AOX1: variants seen among roughly 807,000 people sequenced by gnomAD.
AOX1 encodes aldehyde oxidase 1.
Under a neutral mutation model 169.5 loss-of-function variants are expected in AOX1, and 153 were observed. The ratio of observed to expected loss-of-function variants is 0.90; its 90% CI spans 0.79 to 1.03. The LOEUF (loss-of-function observed/expected upper bound fraction) is 1.03, where lower values mean the gene tolerates loss of function less well. Ranked by LOEUF, AOX1 falls within the 50% of genes least tolerant of loss-of-function variation. The pLI is 0.00. For synonymous variants in AOX1, 562 were observed against 581.9 expected, an observed-to-expected ratio of 0.97 and a Z score of 0.49; for missense variants, 1,656 against 1,663.9, an observed-to-expected ratio of 1.00 and a Z score of 0.08.
Position 200,593,137 on chromosome 2 carries a change from T to G in AOX1, c.46-9T>G, listed in dbSNP as rs1261032132. On this transcript the variant is annotated splice_polypyrimidine_tract_variant and intron_variant, in intron 1 of 34. Coordinates refer to ENST00000374700, the MANE Select transcript of AOX1 (RefSeq NM_001159.4). ...CTCTCAACTAACTCTTATTTTCCCT[T>G]TGGTATAGGTGATAGAAAAAAATGT... 4 of 1,609,490 alleles carry G rather than the reference T, an allele frequency of 2.5e-6. No individual in the cohort carries two copies. The highest frequency in any genetic ancestry group is 3.4e-6 in the Non-Finnish European group (4 of 1,176,238).
chr2:200,609,376 T>C lies in AOX1; in HGVS notation c.1115T>C (p.Leu372Pro). The C allele has an allele frequency of 6.2e-7, 1 of 1,614,136 alleles. No individual in the cohort carries two copies. Among genetic ancestry groups the C allele is most frequent in the Admixed American group, 1.7e-5 (1 of 60,006 alleles). The change falls in exon 12 of 35, where the codon CTG (leucine) becomes CCG (proline). Residue 372 changes from leucine (L) to proline (P), a missense_variant. Transcript: ENST00000374700. ...RHPDSDLNPILAVGNCTLNLL... is the reference protein window; with the variant it reads ...RHPDSDLNPIPAVGNCTLNLL... ...CCAGATTCAGATCTGAATCCCATCC[T>C]GGCTGTGGGTAACTGTACCCTCAAC...
intron 10 of AOX1, among the ~76,000 whole-genome samples, chr2:200,606,122 T>C (rs897611946): frequency 2.6e-5 from 4 of 152,192 alleles, no homozygotes; most frequent in Non-Finnish European, 5.9e-5. Context: ...TTTTGGGTTT[T>C]ACATTTAAGT....
At chr2:200,659,029 C>T in intron 27 of AOX1, 136 bp from the exon 28 acceptor site, 1 of 717,532 alleles carries the variant, frequency 1.4e-6, no homozygotes, top group Non-Finnish European at 2.1e-6. Context: ...CTTTTCATGG[C>T]TGGAGGAATT....
intron 27 of AOX1, among the ~76,000 whole-genome samples, chr2:200,657,165 A>AATATATATATATATAT (rs1553578034): frequency 1.1e-4 from 10 of 88,350 alleles, no homozygotes; most frequent in Middle Eastern, 5.9e-3. Flanking sequence ...CTCTACCAAA[A>AATATATATATATATAT]ATATATATAT....
intron 26 of AOX1, 122 bp from the exon 27 acceptor site, chr2:200,656,720 G>T: frequency 1.9e-4 from 103 of 533,086 alleles, no homozygotes; most frequent in Non-Finnish European, 2.0e-4. Context: ...CTAAAATGTT[G>T]CTCCACCCTG....
At chr2:200,647,505 C>CA in intron 25 of AOX1, among the ~76,000 whole-genome samples, 1 of 152,302 alleles carries the variant, frequency 6.6e-6, no homozygotes, top group East Asian at 1.9e-4. Flanking sequence ...GCTTCTGTCT[C>CA]ACAGCTCTTA....
intron 20 of AOX1, among the ~76,000 whole-genome samples, chr2:200,633,367 T>C (rs1331877115): frequency 2.6e-5 from 4 of 152,146 alleles, no homozygotes; most frequent in Admixed American, 2.6e-4. Context: ...AATGGGTTCC[T>C]GAGGTGCTGT....
At chr2:200,589,763 T>C (rs1443601394) in intron 1 of AOX1, among the ~76,000 whole-genome samples, 1 of 152,192 alleles carries the variant, frequency 6.6e-6, no homozygotes, top group Non-Finnish European at 1.5e-5. Context: ...CCTGCATTAT[T>C]TGCACAATGA....
intron 26 of AOX1, among the ~76,000 whole-genome samples, chr2:200,651,509 C>A (rs2035580171): frequency 6.6e-6 from 1 of 152,116 alleles, no homozygotes; most frequent in Non-Finnish European, 1.5e-5. Context: ...GCTCTGGGCT[C>A]AGACTGCTCA....
downstream of AOX1, among the ~76,000 whole-genome samples, chr2:200,674,625 C>T (rs1381626622): frequency 6.6e-6 from 1 of 152,204 alleles, no homozygotes; most frequent in East Asian, 1.9e-4. Flanking sequence ...ATCCATCACC[C>T]CAGTCAGTGC....
intron 25 of AOX1, among the ~76,000 whole-genome samples, chr2:200,649,009 C>A (rs1430517547): frequency 6.6e-6 from 1 of 152,160 alleles, no homozygotes; most frequent in Non-Finnish European, 1.5e-5. Context: ...CCCTGTGCTG[C>A]ACCCCTAGCT....
At chr2:200,639,936 C>T (rs2035317870) in intron 23 of AOX1, among the ~76,000 whole-genome samples, 1 of 151,064 alleles carries the variant, frequency 6.6e-6, no homozygotes, top group Admixed American at 6.6e-5. Flanking sequence ...ACTTGGGAGG[C>T]TGAGGCAGGA....
intron 25 of AOX1, among the ~76,000 whole-genome samples, chr2:200,645,566 G>A (rs112187920): frequency 0.018 from 2,707 of 152,190 alleles, 66 homozygotes; most frequent in African/African-American, 0.058. Flanking sequence ...TTTGTTATTA[G>A]GGTGATGCTG....
chr2:200,659,148 T>G lies in AOX1; in HGVS notation c.3172-17T>G. 2 of 1,612,450 alleles carry G rather than the reference T, an allele frequency of 1.2e-6. No homozygotes were observed. Among genetic ancestry groups the G allele is most frequent in the Non-Finnish European group, 1.7e-6 (2 of 1,179,106 alleles). Reference sequence around the variant, plus strand: ...CTAATCAAAGTGTTTAAAAGGAAACTCTCTCTTAAAATTCAGGTGGTCAGC... The same window carrying G: ...CTAATCAAAGTGTTTAAAAGGAAACGCTCTCTTAAAATTCAGGTGGTCAGC... On this transcript the variant is annotated splice_polypyrimidine_tract_variant and intron_variant, in intron 27 of 34. Transcript: ENST00000374700.
chr2:200,675,214 G>A (rs1344881973), downstream of AOX1, among the ~76,000 whole-genome samples: 1 of 152,162 alleles, frequency 6.6e-6, no homozygotes, highest in Non-Finnish European at 1.5e-5. Flanking sequence ...CCCAGTGGGT[G>A]GTTCATACTG....
chr2:200,625,636 G>C (rs1411604029), intron 19 of AOX1, among the ~76,000 whole-genome samples: 1 of 152,210 alleles, frequency 6.6e-6, no homozygotes, highest in Non-Finnish European at 1.5e-5. Context: ...ATACATTACA[G>C]TTCTTTTATC....
At chr2:200,610,076 C>CT (rs11420110) in intron 12 of AOX1, among the ~76,000 whole-genome samples, 100,293 of 145,736 alleles carry the variant, frequency 0.69, 34,382 homozygotes, top group East Asian at 0.78. Context: ...ATAAAACTAT[C>CT]TTTTTTTTTT....
intron 25 of AOX1, among the ~76,000 whole-genome samples, chr2:200,647,855 T>G (rs1574950395): frequency 6.6e-6 from 1 of 152,204 alleles, no homozygotes; most frequent in Non-Finnish European, 1.5e-5. Context: ...TGAATTTCTT[T>G]CTTCTACTTG....
chr2:200,611,578 G>A (rs954335046), intron 13 of AOX1, 85 bp downstream of exon 13: 11 of 902,942 alleles, frequency 1.2e-5, no homozygotes, highest in Non-Finnish European at 1.8e-5. Context: ...ATAAGAAAAA[G>A]GGTGAAGTGT....
Sources: allele counts gnomAD v4.1 joint callset (sites outside exome capture counted in the v4.1 genomes callset), GRCh38; gene constraint gnomAD v4.1.1; transcripts MANE v1.5; gene names NCBI Gene and HGNC (gene_info 2026-07-23, HGNC 2026-07-21).